PDGFRA: variants seen among roughly 807,000 people sequenced by gnomAD.
PDGFRA encodes the protein platelet-derived growth factor receptor alpha.
In PDGFRA, 25 loss-of-function variants were observed where a neutral mutation model predicts 121.5. The observed-to-expected ratio is 0.21, with a 90% CI of 0.15 to 0.29. The LOEUF (loss-of-function observed/expected upper bound fraction) is 0.29. Ranked by LOEUF, PDGFRA falls within the 10% of genes least tolerant of loss-of-function variation. The pLI, the probability that PDGFRA is intolerant of heterozygous loss-of-function variation, is 1.00. For missense variants in PDGFRA, 1,008 were observed against 1,345.1 expected, an observed-to-expected ratio of 0.75 and a Z score of 3.92; for synonymous variants, 463 against 494.8, an observed-to-expected ratio of 0.94 and a Z score of 0.85.
chr4:54,270,884 C>T (rs1223669885), intron 8 of PDGFRA, 136 bp downstream of exon 8: 10 of 691,098 alleles, frequency 1.4e-5, no homozygotes, highest in Admixed American at 2.0e-5. Context: ...TGTCACATAT[C>T]GGGAATACCT....
At chr4:54,254,502 G>A (rs1722243764) in intron 1 of PDGFRA, among the ~76,000 whole-genome samples, 1 of 152,172 alleles carries the variant, frequency 6.6e-6, no homozygotes, top group African/African-American at 2.4e-5. Flanking sequence ...GGTGGGGTCT[G>A]GCCAGTGAAA....
chr4:54,269,802 C>A (rs994305340), intron 7 of PDGFRA, among the ~76,000 whole-genome samples: 9 of 139,446 alleles, frequency 6.5e-5, no homozygotes, highest in African/African-American at 2.7e-4. Context: ...GCCACCATGC[C>A]TGGCTAATTT....
rs767199853 is a variant in PDGFRA at position 54,267,752 on chromosome 4, TC to T, written c.1121+12del. On this transcript the variant is annotated intron_variant, in intron 7 of 22. Coordinates refer to ENST00000257290, the MANE Select transcript of PDGFRA (RefSeq NM_006206.6). ...GATTCAGGAAATAAGGTAAAGAAAC[TC>T]TCTGCCCAAGTATGCCTTTTTTTAG... 3 of 1,611,448 alleles carry T rather than the reference TC, an allele frequency of 1.9e-6. No homozygotes were observed. The highest frequency in any genetic ancestry group is 2.5e-6 in the Non-Finnish European group (3 of 1,177,830).
chr4:54,241,241 T>TA (rs1721277903), intron 1 of PDGFRA, among the ~76,000 whole-genome samples: 1 of 152,084 alleles, frequency 6.6e-6, no homozygotes, highest in East Asian at 1.9e-4. Flanking sequence ...TAGAAAGAAA[T>TA]AAAAAACAAT....
chr4:54,290,566 G>A lies in PDGFRA; in HGVS notation c.3122+12G>A, dbSNP rs2110349222. The A allele has an allele frequency of 6.2e-7, 1 of 1,614,028 alleles. No individual in the cohort carries two copies. The highest frequency in any genetic ancestry group is 2.2e-5 in the East Asian group (1 of 44,872). ...AGGAACAGACACAGGTAGCTGTGGGGGCAGCCTCGGTGTCTCACCTTTCCC... is the reference window on the plus strand; with the variant it reads ...AGGAACAGACACAGGTAGCTGTGGGAGCAGCCTCGGTGTCTCACCTTTCCC... On this transcript the variant is annotated intron_variant, in intron 22 of 22. Coordinates refer to ENST00000257290, the MANE Select transcript of PDGFRA (RefSeq NM_006206.6).
rs34529347 is a variant in PDGFRA at position 54,296,367 on chromosome 4, GTTT to G, written c.*1109_*1111del. 0.24 allele frequency: 49,856 copies of G among 211,174 alleles called. 5,337 individuals carry two copies. The highest frequency in any genetic ancestry group is 0.3 in the Non-Finnish European group (32,520 of 106,944). 13.1% of individuals were successfully genotyped at this position (211,174 alleles called of 1,614,324 possible). A position where few individuals can be genotyped will look rare whatever the true frequency, so the allele number is the denominator to read the frequency against. ...CAGCAAAAAGACTGGATTTGCAGAAGTTTTTTTTTTTTTTTTCTTCATGCCTGA... is the reference window on the plus strand; with the variant it reads ...CAGCAAAAAGACTGGATTTGCAGAAGTTTTTTTTTTTTTCTTCATGCCTGA... On this transcript the variant is annotated 3_prime_UTR_variant, in exon 23 of 23. Coordinates refer to ENST00000257290, the MANE Select transcript of PDGFRA (RefSeq NM_006206.6).
chr4:54,272,219 G>A (rs1723438895), intron 8 of PDGFRA, among the ~76,000 whole-genome samples, 175 bp from the exon 9 acceptor site: 1 of 151,908 alleles, frequency 6.6e-6, no homozygotes, highest in African/African-American at 2.4e-5. Flanking sequence ...CTGTGAAAAT[G>A]CTGCTAACCA....
intron 12 of PDGFRA, among the ~76,000 whole-genome samples, chr4:54,275,304 A>G (rs1338059554): frequency 6.6e-6 from 1 of 152,260 alleles, no homozygotes; most frequent in Non-Finnish European, 1.5e-5. Flanking sequence ...ACTAAAAATG[A>G]GCAGATGAGA....
intron 1 of PDGFRA, among the ~76,000 whole-genome samples, chr4:54,242,230 C>G (rs972353225): frequency 2.0e-5 from 3 of 152,036 alleles, no homozygotes; most frequent in African/African-American, 7.3e-5. Flanking sequence ...CTTTTTGTCT[C>G]CATCGACAGC....
In PDGFRA at chr4:54,285,970, C is replaced by T. The variant is rs774741213; in HGVS notation, c.2562+7C>T. 13 of 1,613,164 alleles carry T rather than the reference C, an allele frequency of 8.1e-6. No homozygotes were observed. Among genetic ancestry groups the T allele is most frequent in the Non-Finnish European group, 1.0e-5 (12 of 1,179,210 alleles). Reference sequence around the variant, plus strand: ...CTATGTGTCGAAAGGCAGTGTACGTCCTCACTTCCCTCACTGGTCAGGCTC... The same window carrying T: ...CTATGTGTCGAAAGGCAGTGTACGTTCTCACTTCCCTCACTGGTCAGGCTC... On this transcript the variant is annotated splice_region_variant and intron_variant, in intron 18 of 22. Coordinates refer to ENST00000257290, the MANE Select transcript of PDGFRA (RefSeq NM_006206.6).
chr4:54,270,230 A>G (rs1412637035), intron 7 of PDGFRA, among the ~76,000 whole-genome samples: 1 of 152,160 alleles, frequency 6.6e-6, no homozygotes, highest in African/African-American at 2.4e-5. Context: ...GTGATATTCC[A>G]TTTTTTGGCT....
At position 54,295,158 on chromosome 4, in the gene PDGFRA, G is replaced by T. The variant is rs55996208; in HGVS notation, c.3156G>T (p.Thr1052=). 7 of 1,613,940 alleles carry T rather than the reference G, an allele frequency of 4.3e-6. No individual in the cohort carries two copies. The highest frequency in any genetic ancestry group is 1.3e-5 in the African/African-American group (1 of 74,906). ...CCTCTGAAGAGAGTGCCATTGAGACGGGTTCCAGCAGTTCCACCTTCATCA... is the reference window on the plus strand; with the variant it reads ...CCTCTGAAGAGAGTGCCATTGAGACTGGTTCCAGCAGTTCCACCTTCATCA... ...SQTSEESAIE[T]GSSSSTFIKR... Residue 1052 remains threonine (T), a synonymous_variant, in exon 23 of 23, where the codon ACG becomes ACT. Coordinates refer to ENST00000257290, the MANE Select transcript of PDGFRA (RefSeq NM_006206.6).
intron 5 of PDGFRA, among the ~76,000 whole-genome samples, chr4:54,265,820 T>C (rs1722999338): frequency 2.6e-5 from 4 of 152,206 alleles, no homozygotes; most frequent in Admixed American, 2.6e-4. Context: ...AATATTCTTA[T>C]GGAGAACAAA....
At position 54,288,724 on chromosome 4, in the gene PDGFRA, T is replaced by C. The variant is rs55732997; in HGVS notation, c.2675-75T>C. On this transcript the variant is annotated intron_variant, in intron 19 of 22. Transcript: ENST00000257290. ...TAGGATCTGAAAGGTTTTCTAACAG[T>C]GTTCTATCATGCCAAGTGTTTCAGC... The C allele has an allele frequency of 0.17, 146,132 of 863,060 alleles. 14,409 individuals are homozygous for C. The highest frequency in any genetic ancestry group is 0.32 in the African/African-American group (19,720 of 60,728). The allele number at this position is 863,060 out of a possible 1,614,324, so 53.5% of individuals were successfully genotyped here.
chr4:54,274,505 T>C (rs774806294), intron 10 of PDGFRA, 26 bp from the exon 11 acceptor site: 29 of 1,567,494 alleles, frequency 1.9e-5, no homozygotes, highest in Middle Eastern at 3.3e-4. Context: ...AAACTTTTCA[T>C]TGTGCCTCTC....
At chr4:54,265,833 C>T (rs747119624) in intron 5 of PDGFRA, among the ~76,000 whole-genome samples, 5 of 152,158 alleles carry the variant, frequency 3.3e-5, no homozygotes, top group South Asian at 2.1e-4. Flanking sequence ...AGAACAAAAA[C>T]GAGATATATA....
intron 3 of PDGFRA, among the ~76,000 whole-genome samples, chr4:54,261,996 A>G (rs1422584296): frequency 1.4e-5 from 2 of 143,574 alleles, no homozygotes; most frequent in African/African-American, 2.6e-5. Flanking sequence ...TGGCATGATC[A>G]TCATAGCTTA....
chr4:54,272,983 C>G (rs994249627), intron 9 of PDGFRA, among the ~76,000 whole-genome samples: 2 of 152,296 alleles, frequency 1.3e-5, no homozygotes, highest in East Asian at 3.9e-4. Context: ...TGTTCAGAAG[C>G]CTCAGTTGTT....
rs68009440 is a variant in PDGFRA, at chr4:54,260,397, G to GT, written c.50-669dup. On this transcript the variant is annotated intron_variant, in intron 2 of 22. Coordinates refer to ENST00000257290, the MANE Select transcript of PDGFRA (RefSeq NM_006206.6). Reference sequence around the variant, plus strand: ...TTGCCTCCATTCTTATTCCATGTGGGTTTTTTTTTTTTTTTTTTTTTTTTT... The same window carrying GT: ...TTGCCTCCATTCTTATTCCATGTGGGTTTTTTTTTTTTTTTTTTTTTTTTTT... Among the ~76,000 whole-genome samples the GT allele has an allele frequency of 2.8e-3, 181 of 64,604 alleles. 11 individuals carry two copies. Among genetic ancestry groups the GT allele is most frequent in the East Asian group, 9.1e-3 (22 of 2,428 alleles). 42.4% of individuals were successfully genotyped at this position (64,604 alleles called of 152,430 possible).
Sources: gnomAD v4.1 joint callset for allele counts (sites outside exome capture counted in the v4.1 genomes callset) on GRCh38, gnomAD v4.1.1 for gene constraint, MANE v1.5 for transcripts, NCBI Gene and HGNC (gene_info 2026-07-23, HGNC 2026-07-21) for gene names.